Variants in ATP8B4 observed in about 807,000 individuals in gnomAD.
ATP8B4 encodes ATPase phospholipid transporting 8B4 (putative), also known as probable phospholipid-transporting ATPase IM.
ATP8B4 carries 133 observed loss-of-function variants against 145.6 expected under a neutral mutation model. The observed-to-expected ratio is 0.91, with a 90% CI of 0.79 to 1.05. ATP8B4 has a LOEUF of 1.05. ATP8B4 is among the 50% of genes least tolerant of loss of function. The pLI, the probability that ATP8B4 is intolerant of heterozygous loss-of-function variation, is 0.00. For missense variants in ATP8B4, 1,458 were observed against 1,425.2 expected (o/e 1.02, Z -0.37); for synonymous variants, 507 against 492.9 (o/e 1.03, Z -0.38).
rs985255821 is a variant in ATP8B4, at chr15:49,931,222, C to T, written c.1539G>A (p.Arg513=). 1.2e-6 allele frequency: 2 copies of T among 1,612,738 alleles called. No homozygotes were observed. Among genetic ancestry groups the T allele is most frequent in the Non-Finnish European group, 1.7e-6 (2 of 1,179,228 alleles). Reference sequence around the variant, plus strand: ...CTTCTATTGTTATGGTCTCTGGGGTCCGGGATTTAAAAATGAACCCAAAAT... The same window carrying T: ...CTTCTATTGTTATGGTCTCTGGGGTTCGGGATTTAAAAATGAACCCAAAAT... ...ARNFGFIFKS[R]TPETITIEEL... The change falls in exon 16 of 28, where the codon CGG becomes CGA. Residue 513 remains arginine, a synonymous_variant. Transcript: ENST00000284509.
chr15:49,979,885 C>A (rs72734846), intron 11 of ATP8B4, 72 bp from the exon 12 acceptor site: 1 of 1,083,766 alleles, frequency 9.2e-7, no homozygotes, highest in Non-Finnish European at 1.3e-6. Flanking sequence ...GATCTAATTA[C>A]GCATCTAACT....
At chr15:50,000,080 T>C (rs1485100122) in intron 8 of ATP8B4, among the ~76,000 whole-genome samples, 1 of 152,186 alleles carries the variant, frequency 6.6e-6, no homozygotes, top group Non-Finnish European at 1.5e-5. Context: ...TGTACCACAA[T>C]TTATTCAACC....
intron 16 of ATP8B4, among the ~76,000 whole-genome samples, chr15:49,925,546 G>A (rs1233631236): frequency 1.3e-5 from 2 of 152,278 alleles, no homozygotes; most frequent in East Asian, 3.9e-4. Context: ...TCACTGGTCT[G>A]GAAGAATCAC....
intron 2 of ATP8B4, among the ~76,000 whole-genome samples, chr15:50,098,266 ATTTTTTTTTTTTTTTTTTTTT>A (rs71124319): frequency 1.4e-4 from 6 of 41,768 alleles, no homozygotes; most frequent in African/African-American, 3.4e-4. Flanking sequence ...TTGTCAGGTG[ATTTTTTTTTTTTTTTTTTTTT>A]TTTTTTTTTT....
At chr15:50,038,717 GTT>G (rs1323553837) in intron 6 of ATP8B4, 49 bp downstream of exon 6, 1 of 1,431,806 alleles carries the variant, frequency 7.0e-7, no homozygotes, top group Non-Finnish European at 9.8e-7. Flanking sequence ...GTCAAGAGCT[GTT>G]TCAGGGTCCT....
chr15:50,049,929 A>G (rs1410904655), intron 3 of ATP8B4, among the ~76,000 whole-genome samples: 1 of 151,690 alleles, frequency 6.6e-6, no homozygotes, highest in African/African-American at 2.4e-5. Flanking sequence ...GCATTTTTTC[A>G]TATATTTGTT....
chr15:49,906,028 G>A (rs2038584137), intron 20 of ATP8B4, among the ~76,000 whole-genome samples: 1 of 152,076 alleles, frequency 6.6e-6, no homozygotes, highest in African/African-American at 2.4e-5. Context: ...ATGATGTTTT[G>A]TAGTCTCATT....
chr15:49,996,234 A>G (rs2047413083), intron 9 of ATP8B4, among the ~76,000 whole-genome samples: 1 of 152,142 alleles, frequency 6.6e-6, no homozygotes, highest in Admixed American at 6.6e-5. Context: ...GCGCCGTGCA[A>G]GGTACTGAAA....
Position 50,165,984 on chromosome 15 carries a change from C to CACACACACACAT in ATP8B4, c.-43+16276_-43+16277insATGTGTGTGTGT, listed in dbSNP as rs1254280181. Among the ~76,000 whole-genome samples, 180 of 151,546 alleles carry CACACACACACAT rather than the reference C, an allele frequency of 1.2e-3. 2 individuals are homozygous for CACACACACACAT. Among genetic ancestry groups the CACACACACACAT allele is most frequent in the African/African-American group, 4.0e-3 (163 of 41,256 alleles). On this transcript the variant is annotated intron_variant, in intron 1 of 3. Coordinates refer to the ATP8B4 transcript ENST00000558829. Reference sequence around the variant, plus strand: ...GAATCCCAGAGAACACACACACACACACACACACACACACACACACACACC... The same window carrying CACACACACACAT: ...GAATCCCAGAGAACACACACACACACACACACACACATACACACACACACACACACACACACC...
In ATP8B4 at chr15:49,858,513, A is replaced by G. The variant is rs2031084842; in HGVS notation, c.*1681T>C. On this transcript the variant is annotated 3_prime_UTR_variant, in exon 28 of 28. Transcript: ENST00000284509. ...TTGGTTTTAAAAAATTGTGACCTAT[A>G]GATATCACATTAGCTCATTATCCAT... 1 of 152,210 alleles carries G rather than the reference A, an allele frequency of 6.6e-6. No individual in the cohort carries two copies. The highest frequency in any genetic ancestry group is 1.5e-5 in the Non-Finnish European group (1 of 68,034). The allele number at this position is 152,210 out of a possible 1,614,324, so 9.4% of individuals were successfully genotyped here. A position where few individuals can be genotyped will look rare whatever the true frequency, so the allele number is the denominator to read the frequency against.
chr15:49,940,745 A>G (rs2153476639), intron 14 of ATP8B4, among the ~76,000 whole-genome samples: 1 of 152,294 alleles, frequency 6.6e-6, no homozygotes, highest in Middle Eastern at 3.4e-3. Flanking sequence ...ACTCTTCTAG[A>G]CAATTACTAA....
intron 1 of ATP8B4, among the ~76,000 whole-genome samples, chr15:50,133,807 C>T (rs1487582017): frequency 6.6e-6 from 1 of 151,896 alleles, no homozygotes; most frequent in Non-Finnish European, 1.5e-5. Flanking sequence ...TTGGAATTTG[C>T]TAAGAGAGTA....
chr15:50,137,923 A>G (rs2044145301), intron 1 of ATP8B4, among the ~76,000 whole-genome samples: 1 of 151,996 alleles, frequency 6.6e-6, no homozygotes. Context: ...CTGCTCAGCT[A>G]CTCCCTTATC....
intron 6 of ATP8B4, among the ~76,000 whole-genome samples, chr15:50,014,165 A>G (rs989780118): frequency 1.3e-5 from 2 of 152,200 alleles, no homozygotes; most frequent in African/African-American, 4.8e-5. Context: ...CACAAGCTAC[A>G]GAAGTGTTGG....
At chr15:50,047,195 G>A (rs544968108) in intron 4 of ATP8B4, among the ~76,000 whole-genome samples, 156 bp downstream of exon 4, 9 of 152,242 alleles carry the variant, frequency 5.9e-5, no homozygotes, top group South Asian at 2.1e-4. Context: ...CCTCTCCCAC[G>A]TTTGTGAAAA....
chr15:49,879,307 C>G, intron 24 of ATP8B4, 69 bp downstream of exon 24: 2 of 1,374,326 alleles, frequency 1.5e-6, no homozygotes, highest in Non-Finnish European at 2.0e-6. Flanking sequence ...GTGTTTTCTA[C>G]TTAGAACCCA....
rs745360115 is a variant in ATP8B4, at chr15:50,010,858, T to G, written c.422A>C (p.Asn141Thr). Residue 141 changes from asparagine to threonine, a missense_variant, in exon 7 of 28, where the codon AAC becomes ACC. Physicochemically the swap from Asn to Thr is moderately conservative, Grantham distance 65. Transcript: ENST00000284509. ...TTGAATACTTACAGCAACAAATTGG[T>G]TATTTTCTAATTTAATGATGTCTCC... ...KVGDIIKLENNQFVAADLLLL... is the reference protein window; with the variant it reads ...KVGDIIKLENTQFVAADLLLL... 51 of 1,563,324 alleles carry G rather than the reference T, an allele frequency of 3.3e-5. No individual in the cohort carries two copies. In the Admixed American group the frequency reaches 5.2e-4, roughly 16 times the overall value.
At chr15:50,035,852 G>T (rs984304710) in intron 6 of ATP8B4, among the ~76,000 whole-genome samples, 3 of 152,104 alleles carry the variant, frequency 2.0e-5, no homozygotes, top group African/African-American at 7.2e-5. Context: ...ACATGCCAAT[G>T]GCTCCTGCCC....
rs112104890 is a variant in ATP8B4, at chr15:49,877,638, G to T, written c.2782-1115C>A. Among the ~76,000 whole-genome samples, 1,290 of 152,242 alleles carry T rather than the reference G, an allele frequency of 8.5e-3. 9 individuals are homozygous for T. The highest frequency in any genetic ancestry group is 0.013 in the Non-Finnish European group (885 of 68,012). On this transcript the variant is annotated intron_variant, in intron 24 of 27. Coordinates refer to ENST00000284509, the MANE Select transcript of ATP8B4 (RefSeq NM_024837.4). ...AAGACAGTCATGAGCTCAATCCCTG[G>T]TAACGGGTTTAGCTGGTGTGTTATC...
Sources: allele counts gnomAD v4.1 joint callset (sites outside exome capture counted in the v4.1 genomes callset), GRCh38; gene constraint gnomAD v4.1.1; transcripts MANE v1.5; gene names NCBI Gene and HGNC (gene_info 2026-07-23, HGNC 2026-07-21).